MPP2: variants seen among roughly 807,000 people sequenced by gnomAD.
MPP2 encodes MAGUK p55 scaffold protein 2.
Under a neutral mutation model 58.5 loss-of-function variants are expected in MPP2, and 42 were observed. The ratio of observed to expected loss-of-function variants is 0.72; its 90% CI spans 0.56 to 0.93. The LOEUF (loss-of-function observed/expected upper bound fraction) is 0.93, where lower values mean the gene tolerates loss of function less well. Among genes scored for constraint, MPP2 ranks in the 40% least tolerant of loss-of-function variants. MPP2 has a pLI of 0.00. For synonymous variants in MPP2, 300 were observed against 307.8 expected, an observed-to-expected ratio of 0.97 and a Z score of 0.26; for missense variants, 632 against 760.4, an observed-to-expected ratio of 0.83 and a Z score of 1.99.
At chr17:43,901,608 C>G (rs930872953) in intron 2 of MPP2, 1 of 984,234 alleles carries the variant, frequency 1.0e-6, no homozygotes, top group Non-Finnish European at 1.2e-6. Context: ...CACACCAGGA[C>G]AGTAACCCAG....
At chr17:43,900,349 C>A in intron 2 of MPP2, 9 of 1,139,522 alleles carry the variant, frequency 7.9e-6, no homozygotes, top group Non-Finnish European at 9.9e-6. Flanking sequence ...CAGGACAGCT[C>A]TCCTGAAGGT....
rs2047012923 is a variant in MPP2 at position 43,879,695 on chromosome 17, G to C, written c.1353+87C>G. On this transcript the variant is annotated intron_variant, in intron 11 of 12. Coordinates refer to ENST00000269095, the MANE Select transcript of MPP2 (RefSeq NM_005374.5). This position sits in a 1 kb window ranked among gnomAD's most constrained non-coding sequence, Gnocchi z 4.1. ...CAAAGGGGGTACATGGGCGTGTTCA[G>C]GTGACAGGTGTCTGGAACTATATGG... is the stretch of plus-strand genomic sequence containing the variant. 3 of 1,457,478 alleles carry C rather than the reference G, an allele frequency of 2.1e-6. No homozygotes were observed. The highest frequency in any genetic ancestry group is 2.4e-5 in the South Asian group (2 of 83,726). The allele number at this position is 1,457,478 out of a possible 1,614,324, so 90.3% of individuals were successfully genotyped here. A position where few individuals can be genotyped will look rare whatever the true frequency, so the allele number is the denominator to read the frequency against.
intron 6 of MPP2, 89 bp from the exon 7 acceptor site, chr17:43,881,678 G>A (rs992640287): frequency 8.0e-6 from 12 of 1,495,216 alleles, no homozygotes; most frequent in Non-Finnish European, 9.9e-6. Context: ...TTTTCACAGA[G>A]ACTAAGGGGC....
Position 43,877,559 on chromosome 17 carries a change from A to G in MPP2, c.*248T>C, listed in dbSNP as rs551564949. On this transcript the variant is annotated 3_prime_UTR_variant, in exon 13 of 13. Transcript: ENST00000269095. ...TTCCTGGGCATAGCTTGGCCCTCAGAGATATCTGGTGACCAATGGGCATCA... is the reference window on the plus strand; with the variant it reads ...TTCCTGGGCATAGCTTGGCCCTCAGGGATATCTGGTGACCAATGGGCATCA... The G allele has an allele frequency of 3.9e-6, 2 of 518,616 alleles. No homozygotes were observed. The highest frequency in any genetic ancestry group is 3.8e-5 in the African/African-American group (2 of 52,804). The allele number at this position is 518,616 out of a possible 1,614,324, so 32.1% of individuals were successfully genotyped here.
intron 5 of MPP2, 119 bp downstream of exon 5, chr17:43,882,784 G>A (rs2047195967): frequency 2.1e-6 from 3 of 1,451,750 alleles, no homozygotes; most frequent in African/African-American, 2.8e-5. Flanking sequence ...ATCCTTCCCT[G>A]CACAAAGCTG....
Position 43,877,144 on chromosome 17 carries a change from G to A in MPP2, c.*663C>T. ...GAAACTTCGGCAGTGAGAAGCTGTG[G>A]ATGAGGGAAGGACCGAGCAGCATCT... On this transcript the variant is annotated 3_prime_UTR_variant, in exon 13 of 13. Transcript: ENST00000269095. 1 of 153,084 alleles carries A rather than the reference G, an allele frequency of 6.5e-6. No individual in the cohort carries two copies. Among genetic ancestry groups the A allele is most frequent in the East Asian group, 1.9e-4 (1 of 5,214 alleles). The allele number at this position is 153,084 out of a possible 1,614,324, so 9.5% of individuals were successfully genotyped here.
In MPP2 at chr17:43,877,815, C is replaced by A; in HGVS notation, c.1651G>T (p.Val551Leu). The A allele has an allele frequency of 6.2e-7, 1 of 1,613,562 alleles. No individual in the cohort carries two copies. The highest frequency in any genetic ancestry group is 8.5e-7 in the Non-Finnish European group (1 of 1,179,620). Residue 551 changes from valine (V) to leucine (L), a missense_variant, in exon 13 of 13, where the codon GTG becomes TTG. Coordinates refer to ENST00000269095, the MANE Select transcript of MPP2 (RefSeq NM_005374.5). ...AGACCAGGTGAACAGGCTCAGTACACCCAGCTGACAGGCACCCACTGGGGC... is the reference window on the plus strand; with the variant it reads ...AGACCAGGTGAACAGGCTCAGTACAACCAGCTGACAGGCACCCACTGGGGC... ...TEPQWVPVSW[V>L]Y
At chr17:43,899,305 G>A (rs2047988977) in intron 2 of MPP2, among the ~76,000 whole-genome samples, 1 of 152,106 alleles carries the variant, frequency 6.6e-6, no homozygotes, top group Admixed American at 6.5e-5. Flanking sequence ...ACCTCTAGAT[G>A]GGCTGAAGCC....
intron 3 of MPP2, among the ~76,000 whole-genome samples, chr17:43,897,530 G>A (rs911060397): frequency 6.6e-6 from 1 of 152,024 alleles, no homozygotes; most frequent in Non-Finnish European, 1.5e-5. Context: ...GATACTCACA[G>A]AAGGATGCCC....
intron 1 of MPP2, among the ~76,000 whole-genome samples, chr17:43,904,930 C>A (rs990683857): frequency 1.3e-5 from 2 of 152,140 alleles, no homozygotes; most frequent in African/African-American, 2.4e-5. Context: ...AATCCCAGCA[C>A]TTTAGGAGGC....
chr17:43,904,618 G>A (rs2048220625), intron 1 of MPP2, 125 bp from the exon 2 acceptor site: 2 of 713,738 alleles, frequency 2.8e-6, no homozygotes, highest in South Asian at 3.6e-5. Flanking sequence ...AGAAAGTGGG[G>A]GTTGGAGAAC....
At position 43,879,851 on chromosome 17, in the gene MPP2, G is replaced by A; in HGVS notation, c.1284C>T (p.Gly428=). ...EHGEYEGNLY[G]TRIDSIRGVV... is the part of the protein sequence containing the mutation. The stretch of plus-strand genomic sequence containing the variant: ...CGCCCCGGATGGAGTCAATACGTGT[G>A]CCATACAGGTTGCCCTCGTATTCGC... Residue 428 remains glycine, a synonymous_variant, in exon 11 of 13, where the codon GGC becomes GGT. Transcript: ENST00000269095. This position sits in a 1 kb window ranked among gnomAD's most constrained non-coding sequence, Gnocchi z 4.1. 2 of 1,614,034 alleles carry A rather than the reference G, an allele frequency of 1.2e-6. No homozygotes were observed. Among genetic ancestry groups the A allele is most frequent in the Non-Finnish European group, 1.7e-6 (2 of 1,179,992 alleles).
chr17:43,882,827 T>C (rs983656283), intron 5 of MPP2, 76 bp downstream of exon 5: 6 of 1,594,672 alleles, frequency 3.8e-6, no homozygotes, highest in Non-Finnish European at 5.1e-6. Flanking sequence ...ACACTTGGCC[T>C]TTTTTGTCCG....
Position 43,877,605 on chromosome 17 carries a change from A to C in MPP2, c.*202T>G, listed in dbSNP as rs2046901854. 2.2e-5 allele frequency: 13 copies of C among 602,786 alleles called. No homozygotes were observed. The highest frequency in any genetic ancestry group is 3.9e-5 in the Non-Finnish European group (13 of 337,204). 37.3% of individuals were successfully genotyped at this position (602,786 alleles called of 1,614,324 possible). ...CATCAGGAGTGGGCAGCACCTGGGC[A>C]CAAGGTACCCCATGAATGCCCACCT... On this transcript the variant is annotated 3_prime_UTR_variant, in exon 13 of 13. Coordinates refer to ENST00000269095, the MANE Select transcript of MPP2 (RefSeq NM_005374.5).
Position 43,876,364 on chromosome 17 carries a change from A to G in MPP2, c.*1443T>C, listed in dbSNP as rs1207491920. 6.6e-6 allele frequency: 1 copy of G among 152,472 alleles called. No homozygotes were observed. The highest frequency in any genetic ancestry group is 2.4e-5 in the African/African-American group (1 of 41,420). The allele number at this position is 152,472 out of a possible 1,614,324, so 9.4% of individuals were successfully genotyped here. A position where few individuals can be genotyped will look rare whatever the true frequency, so the allele number is the denominator to read the frequency against. On this transcript the variant is annotated 3_prime_UTR_variant, in exon 13 of 13. Transcript: ENST00000269095. The stretch of plus-strand genomic sequence containing the variant: ...CCCCCCGGAAGGAATGCAGAGAATA[A>G]TGAAGGATGAGATGCCCAAGTACAT...
chr17:43,881,344 G>A lies in MPP2; in HGVS notation c.819C>T (p.Cys273=). 1.2e-6 allele frequency: 2 copies of A among 1,614,096 alleles called. No individual in the cohort carries two copies. Among genetic ancestry groups the A allele is most frequent in the Non-Finnish European group, 1.7e-6 (2 of 1,180,006 alleles). ...GCCCAGCACTGCCCCCTTCGACATG[G>A]CATGCCTAAAACGGACATGAGACCA... ...NQDDANWWQA[C]HVEGGSAGLI... is the part of the protein sequence containing the mutation. The change falls in exon 8 of 13, where the codon TGC becomes TGT. Residue 273 remains cysteine (C), a synonymous_variant. Transcript: ENST00000269095.
In MPP2 at chr17:43,880,991, C is replaced by T. The variant is rs984985044; in HGVS notation, c.988+99G>A. 9.1e-6 allele frequency: 14 copies of T among 1,530,530 alleles called. No homozygotes were observed. The highest frequency in any genetic ancestry group is 1.2e-5 in the South Asian group (1 of 85,506). The allele number at this position is 1,530,530 out of a possible 1,614,324, so 94.8% of individuals were successfully genotyped here. On this transcript the variant is annotated intron_variant, in intron 9 of 12. Coordinates refer to ENST00000269095, the MANE Select transcript of MPP2 (RefSeq NM_005374.5). This position sits in a 1 kb window ranked among gnomAD's most constrained non-coding sequence, Gnocchi z 5.2. The stretch of plus-strand genomic sequence containing the variant: ...CAGGGCCTAGGGACACGGCTGGCAG[C>T]ATCTGAGCCAGGCACACGTCGTCAC...
At chr17:43,907,774 C>A, upstream of MPP2, 2 of 985,478 alleles carry the variant, frequency 2.0e-6, no homozygotes, top group Non-Finnish European at 2.4e-6. Flanking sequence ...GGTACCAGTA[C>A]CCGCTGGTGC....
At chr17:43,885,598 A>G (rs957902804) in intron 3 of MPP2, among the ~76,000 whole-genome samples, 22 of 152,216 alleles carry the variant, frequency 1.4e-4, no homozygotes, top group African/African-American at 5.3e-4. Context: ...CTTCTCCTTC[A>G]GTGAGAACTT....
Sources: allele counts gnomAD v4.1 joint callset (sites outside exome capture counted in the v4.1 genomes callset), GRCh38; gene constraint gnomAD v4.1.1; non-coding constraint Gnocchi (gnomAD v3.1); transcripts MANE v1.5; gene names NCBI Gene and HGNC (gene_info 2026-07-23, HGNC 2026-07-21).